PTPRG: variants seen among roughly 807,000 people sequenced by gnomAD.
PTPRG encodes the protein receptor-type tyrosine-protein phosphatase gamma.
A neutral mutation model predicts 165.3 loss-of-function variants in PTPRG; 102 were observed. The observed-to-expected ratio is 0.62, with a 90% CI of 0.53 to 0.73. The LOEUF (loss-of-function observed/expected upper bound fraction) is 0.73. PTPRG is among the 30% of genes least tolerant of loss of function. PTPRG has a pLI of 0.00. For synonymous variants in PTPRG, 675 were observed against 669.5 expected, an observed-to-expected ratio of 1.01 and a Z score of -0.13; for missense variants, 1,866 against 1,861.4, an observed-to-expected ratio of 1.00 and a Z score of -0.05.
intron 5 of PTPRG, among the ~76,000 whole-genome samples, chr3:62,087,531 C>A (rs915541677): frequency 6.6e-6 from 1 of 152,200 alleles, no homozygotes; most frequent in African/African-American, 2.4e-5. Flanking sequence ...TACAGTGTCT[C>A]ACTTAATCTT....
At chr3:61,697,391 G>T (rs1206476148) in intron 1 of PTPRG, among the ~76,000 whole-genome samples, 1 of 152,146 alleles carries the variant, frequency 6.6e-6, no homozygotes, top group Non-Finnish European at 1.5e-5. Context: ...GTCCCCCAGG[G>T]TCTCTCTGGA....
At chr3:61,754,370 G>A (rs667510) in intron 2 of PTPRG, among the ~76,000 whole-genome samples, 118,265 of 152,084 alleles carry the variant, frequency 0.78, 46,066 homozygotes, top group East Asian at 0.92. Flanking sequence ...GGTATTACCT[G>A]TGTGGCTCTT....
In PTPRG at chr3:62,293,507, G is replaced by A. The variant is rs919246423; in HGVS notation, c.*200G>A. On this transcript the variant is annotated 3_prime_UTR_variant, in exon 30 of 30. Coordinates refer to ENST00000474889, the MANE Select transcript of PTPRG (RefSeq NM_002841.4). ...TGCACCTCTGTTCATTTCACACAGT[G>A]AAACGCAATTTTACCTAGTTTGCAC... 2.7e-5 allele frequency: 12 copies of A among 438,330 alleles called. No individual in the cohort carries two copies. The highest frequency in any genetic ancestry group is 1.8e-4 in the African/African-American group (9 of 49,438). The allele number at this position is 438,330 out of a possible 1,614,324, so 27.2% of individuals were successfully genotyped here.
intron 2 of PTPRG, among the ~76,000 whole-genome samples, chr3:61,984,717 A>G (rs2040716970): frequency 6.6e-6 from 1 of 152,174 alleles, no homozygotes; most frequent in Non-Finnish European, 1.5e-5. Flanking sequence ...CTCAGAGCTC[A>G]TGAGTTTTTC....
rs760853361 is a variant in PTPRG at position 62,275,922 on chromosome 3, A to C, written c.3515A>C (p.Lys1172Thr). 1 of 1,612,242 alleles carries C rather than the reference A, an allele frequency of 6.2e-7. No homozygotes were observed. Among genetic ancestry groups the C allele is most frequent in the Admixed American group, 1.7e-5 (1 of 59,890 alleles). ...AKYVECFSAQ[K>T]ECNKEKNRNS... ...TATGTGGAATGTTTCAGTGCTCAGA[A>C]AGAGTGTAACAAAGAAAAGAACAGA... Residue 1172 changes from lysine to threonine, a missense_variant, in exon 24 of 30, where the codon AAA (lysine) becomes ACA (threonine). Coordinates refer to ENST00000474889, the MANE Select transcript of PTPRG (RefSeq NM_002841.4).
rs34814944 is a variant in PTPRG, at chr3:61,974,552, TAA to T, written c.191-15064_191-15063del. On this transcript the variant is annotated intron_variant, in intron 2 of 29. Transcript: ENST00000474889. ...TGGGCAACAAAGCAAGATTCCATCTTAAAAAAAAAATTTTTTTTTAAATATGT... is the reference window on the plus strand; with the variant it reads ...TGGGCAACAAAGCAAGATTCCATCTTAAAAAAAATTTTTTTTTAAATATGT... 9.7e-3 allele frequency among the ~76,000 whole-genome samples: 1,417 copies of T among 145,706 alleles called. 27 individuals are homozygous for T. Among genetic ancestry groups the T allele is most frequent in the African/African-American group, 0.034 (1,319 of 38,938 alleles).
At chr3:62,037,644 G>T (rs1025179878) in intron 4 of PTPRG, among the ~76,000 whole-genome samples, 13 of 152,178 alleles carry the variant, frequency 8.5e-5, no homozygotes, top group African/African-American at 3.1e-4. Flanking sequence ...GAACTGTTTG[G>T]CTGTGGCTGA....
At chr3:61,848,838 C>G (rs1422483171) in intron 2 of PTPRG, among the ~76,000 whole-genome samples, 1 of 152,190 alleles carries the variant, frequency 6.6e-6, no homozygotes, top group Non-Finnish European at 1.5e-5. Context: ...GCACAATGCA[C>G]TTGTTTTATT....
rs369505317 is a variant in PTPRG, at chr3:61,676,471, A to AAAAAAAAAAAAAAG, written c.86-72404_86-72403insAAAAAAAAAAGAAA. On this transcript the variant is annotated intron_variant, in intron 1 of 29. Coordinates refer to ENST00000474889, the MANE Select transcript of PTPRG (RefSeq NM_002841.4). Reference sequence around the variant, plus strand: ...GACTCCATCTCAAAAAAAAAAAAAAAAAAGAAAATTACTAAAGTCTGTGAA... The same window carrying AAAAAAAAAAAAAAG: ...GACTCCATCTCAAAAAAAAAAAAAAAAAAAAAAAAAAAAGAAAGAAAATTACTAAAGTCTGTGAA... Among the ~76,000 whole-genome samples the AAAAAAAAAAAAAAG allele has an allele frequency of 1.7e-3, 164 of 99,032 alleles. 22 individuals are homozygous for AAAAAAAAAAAAAAG. Among genetic ancestry groups the AAAAAAAAAAAAAAG allele is most frequent in the East Asian group, 4.8e-3 (13 of 2,702 alleles). The allele number at this position is 99,032 out of a possible 152,430, so 65.0% of individuals were successfully genotyped here. A position where few individuals can be genotyped will look rare whatever the true frequency, so the allele number is the denominator to read the frequency against.
intron 1 of PTPRG, among the ~76,000 whole-genome samples, chr3:61,658,382 C>G (rs75866972): frequency 0.014 from 2,113 of 152,254 alleles, 25 homozygotes; most frequent in South Asian, 0.029. Flanking sequence ...AACGTGGAGT[C>G]ACAGTGGAGA....
chr3:61,741,015 A>C (rs1164995469), intron 1 of PTPRG, among the ~76,000 whole-genome samples: 1 of 152,238 alleles, frequency 6.6e-6, no homozygotes, highest in Non-Finnish European at 1.5e-5. Context: ...AAATACAGGC[A>C]CAAAGGAAAT....
intron 2 of PTPRG, among the ~76,000 whole-genome samples, chr3:61,881,587 T>C (rs191112725): frequency 7.2e-5 from 11 of 152,354 alleles, no homozygotes; most frequent in African/African-American, 2.6e-4. Context: ...GGGTTTTCCA[T>C]GAGCAAGTTA....
At position 62,222,141 on chromosome 3, in the gene PTPRG, T is replaced by G. The variant is rs1331507826; in HGVS notation, c.2288+3158T>G. Among the ~76,000 whole-genome samples the G allele has an allele frequency of 1.3e-5, 2 of 152,232 alleles. No individual in the cohort carries two copies. The highest frequency in any genetic ancestry group is 2.9e-5 in the Non-Finnish European group (2 of 68,036). On this transcript the variant is annotated intron_variant, in intron 13 of 29. Transcript: ENST00000474889. This position sits in a 1 kb window ranked among gnomAD's most constrained non-coding sequence, Gnocchi z 4.5. ...AATATCATCACCAGAACCCTTTTGT[T>G]GTTCAGAACCCTTTTCTATTGCAGT...
At chr3:61,604,756 G>A (rs1485535414) in intron 1 of PTPRG, among the ~76,000 whole-genome samples, 2 of 151,780 alleles carry the variant, frequency 1.3e-5, no homozygotes, top group East Asian at 1.9e-4. Context: ...TTTCCCCCTA[G>A]AACCCTATTA....
At chr3:62,018,157 C>G (rs1207450022) in intron 4 of PTPRG, among the ~76,000 whole-genome samples, 1 of 152,190 alleles carries the variant, frequency 6.6e-6, no homozygotes, top group Non-Finnish European at 1.5e-5. Context: ...AAGCAAGCTC[C>G]TTGACCTCAT....
chr3:61,968,174 C>G (rs1287515928), intron 2 of PTPRG, among the ~76,000 whole-genome samples: 1 of 152,146 alleles, frequency 6.6e-6, no homozygotes, highest in East Asian at 1.9e-4. Context: ...ATACAATGGT[C>G]TGAACCATTA....
At chr3:62,075,060 G>T (rs1179071249) in intron 4 of PTPRG, among the ~76,000 whole-genome samples, 1 of 152,164 alleles carries the variant, frequency 6.6e-6, no homozygotes, top group Non-Finnish European at 1.5e-5. Context: ...AGATATTTCA[G>T]ACCTGTGCTA....
At chr3:61,655,171 G>A (rs935379258) in intron 1 of PTPRG, among the ~76,000 whole-genome samples, 1 of 152,066 alleles carries the variant, frequency 6.6e-6, no homozygotes, top group African/African-American at 2.4e-5. Context: ...TGGTTGAGTC[G>A]CCGAGTCCCC....
At chr3:62,226,758 G>T (rs1192491396) in intron 13 of PTPRG, among the ~76,000 whole-genome samples, 1 of 152,164 alleles carries the variant, frequency 6.6e-6, no homozygotes, top group Non-Finnish European at 1.5e-5. Context: ...CTCTGATCTG[G>T]TAGATTCACT....
Sources: allele counts gnomAD v4.1 joint callset (sites outside exome capture counted in the v4.1 genomes callset), GRCh38; gene constraint gnomAD v4.1.1; non-coding constraint Gnocchi (gnomAD v3.1); transcripts MANE v1.5; gene names NCBI Gene and HGNC (gene_info 2026-07-23, HGNC 2026-07-21).